Variants in VIPR1 observed in about 807,000 individuals in gnomAD.
VIPR1 encodes vasoactive intestinal polypeptide receptor 1.
Under a neutral mutation model 58.8 loss-of-function variants are expected in VIPR1, and 59 were observed. The ratio of observed to expected loss-of-function variants is 1.00; its 90% CI spans 0.81 to 1.25. The LOEUF is 1.25. Among genes scored for constraint, VIPR1 ranks in the 50% most tolerant of loss-of-function variants. VIPR1 has a pLI of 0.00. For synonymous variants in VIPR1, 251 were observed against 242.1 expected (o/e 1.04, Z -0.34); for missense variants, 626 against 602.7 (o/e 1.04, Z -0.40).
intron 1 of VIPR1, among the ~76,000 whole-genome samples, chr3:42,504,070 C>T (rs1700000119): frequency 6.6e-6 from 1 of 152,172 alleles, no homozygotes; most frequent in South Asian, 2.1e-4. Context: ...ATGAGACCCA[C>T]CTCCTGAGCA....
intron 12 of VIPR1, 73 bp from the exon 13 acceptor site, chr3:42,536,017 A>T (rs1380020218): frequency 6.8e-7 from 1 of 1,464,064 alleles, no homozygotes. Flanking sequence ...TCAGAACCCT[A>T]AGTCCAGGGC....
chr3:42,505,421 C>T (rs1700076406), intron 1 of VIPR1, among the ~76,000 whole-genome samples: 1 of 152,236 alleles, frequency 6.6e-6, no homozygotes, highest in African/African-American at 2.4e-5. Flanking sequence ...GAAGGCCTTG[C>T]CTTGCCACCG....
intron 5 of VIPR1, 47 bp from the exon 6 acceptor site, chr3:42,527,944 G>A: frequency 6.3e-7 from 1 of 1,598,500 alleles, no homozygotes; most frequent in Non-Finnish European, 8.5e-7. Flanking sequence ...GGCTGGGGTG[G>A]GGATCCAAGG....
At chr3:42,495,075 G>C (rs1235633588) in intron 1 of VIPR1, among the ~76,000 whole-genome samples, 1 of 152,100 alleles carries the variant, frequency 6.6e-6, no homozygotes, top group Non-Finnish European at 1.5e-5. Flanking sequence ...CCGTCACCCA[G>C]TTTTATTAGA....
In VIPR1 at chr3:42,502,646, C is replaced by T. The variant is rs950400602; in HGVS notation, c.-90C>T. The stretch of plus-strand genomic sequence containing the variant: ...CTGGGGCCACAGCGCCAGCGCCACT[C>T]TGCCAGGCTCCCGGCCATCGCCCGC... On this transcript the variant is annotated 5_prime_UTR_variant, in exon 1 of 13. Coordinates refer to ENST00000325123, the MANE Select transcript of VIPR1 (RefSeq NM_004624.4). The T allele has an allele frequency of 6.7e-6, 7 of 1,043,736 alleles. No individual in the cohort carries two copies. The highest frequency in any genetic ancestry group is 8.6e-6 in the Non-Finnish European group (7 of 815,418). 64.7% of individuals were successfully genotyped at this position (1,043,736 alleles called of 1,614,324 possible).
chr3:42,523,830 T>C (rs1701088215), intron 3 of VIPR1, among the ~76,000 whole-genome samples: 1 of 152,076 alleles, frequency 6.6e-6, no homozygotes, highest in Non-Finnish European at 1.5e-5. Flanking sequence ...TCTTTTTTTT[T>C]TCCCTGAGTC....
intron 6 of VIPR1, 191 bp downstream of exon 6, chr3:42,528,314 A>G (rs1207728997): frequency 5.6e-5 from 42 of 752,182 alleles, no homozygotes; most frequent in Non-Finnish European, 7.9e-5. Flanking sequence ...CCCTCCGGCA[A>G]CAGGAGATGT....
intron 3 of VIPR1, among the ~76,000 whole-genome samples, chr3:42,523,675 C>T (rs926177706): frequency 6.6e-5 from 10 of 151,862 alleles, no homozygotes; most frequent in African/African-American, 2.4e-4. Context: ...GCCAGAGTCA[C>T]CCAGGTTTGC....
At position 42,536,272 on chromosome 3, in the gene VIPR1, C is replaced by G; in HGVS notation, c.1365C>G (p.Ser455=). The G allele has an allele frequency of 6.4e-7, 1 of 1,560,776 alleles. No individual in the cohort carries two copies. The highest frequency in any genetic ancestry group is 8.6e-7 in the Non-Finnish European group (1 of 1,159,998). The change falls in exon 13 of 13, where the codon TCC becomes TCG. Residue 455 remains serine, a synonymous_variant. Coordinates refer to ENST00000325123, the MANE Select transcript of VIPR1 (RefSeq NM_004624.4). ...CCTCCAGCTTCCAAGCCGAAGTCTC[C>G]CTGGTCTGACCACCAGGATCCCAGG... ...RRSSSFQAEV[S]LV
At chr3:42,530,547 A>G (rs1338912570) in intron 6 of VIPR1, 2 of 515,698 alleles carry the variant, frequency 3.9e-6, no homozygotes, top group Non-Finnish European at 6.9e-6. Flanking sequence ...AGGTGAATAG[A>G]TGAATTGATG....
chr3:42,505,068 G>A (rs76804873), intron 1 of VIPR1, among the ~76,000 whole-genome samples: 1,770 of 152,178 alleles, frequency 0.012, 21 homozygotes, highest in African/African-American at 0.039. Context: ...TGCCCAGTAC[G>A]AGGCTGGGGG....
At chr3:42,527,287 G>A (rs1176552899) in intron 4 of VIPR1, 106 bp from the exon 5 acceptor site, 2 of 1,033,182 alleles carry the variant, frequency 1.9e-6, no homozygotes, top group Admixed American at 2.0e-5. Context: ...ATTTGCTGAG[G>A]CAGGGTTGGG....
At chr3:42,505,381 TC>T (rs1700073923) in intron 1 of VIPR1, among the ~76,000 whole-genome samples, 2 of 152,146 alleles carry the variant, frequency 1.3e-5, no homozygotes, top group Non-Finnish European at 2.9e-5. Flanking sequence ...TCTCCCCAAC[TC>T]TGAGGTTGAT....
rs151081418 is a variant in VIPR1, at chr3:42,530,500, T to A, written c.637-279T>A. The A allele has an allele frequency of 6.4e-3, 2,383 of 372,258 alleles. 112 individuals are homozygous for A. The Admixed American group carries it at 0.086, about 13-fold the overall frequency. 23.1% of individuals were successfully genotyped at this position (372,258 alleles called of 1,614,324 possible). On this transcript the variant is annotated intron_variant, in intron 6 of 12. Coordinates refer to ENST00000325123, the MANE Select transcript of VIPR1 (RefSeq NM_004624.4). ...ATGGATACATGGATAGGTGGGTAGA[T>A]GATTGAATGGGCAGATGGGTAGATA...
At position 42,535,087 on chromosome 3, in the gene VIPR1, G is replaced by C. The variant is rs375826611; in HGVS notation, c.1123G>C (p.Val375Leu). The C allele has an allele frequency of 6.2e-7, 1 of 1,614,214 alleles. No homozygotes were observed. Among genetic ancestry groups the C allele is most frequent in the South Asian group, 1.1e-5 (1 of 91,084 alleles). The change falls in exon 11 of 13, where the codon GTC becomes CTC. Residue 375 changes from valine (V) to leucine (L), a missense_variant. Val to Leu is a conservative substitution (Grantham distance 32). Transcript: ENST00000325123. Reference sequence around the variant, plus strand: ...TGAAGTGAAGATGGTCTTTGAGCTCGTCGTGGGGTCTTTCCAGGTATGGGC... The same window carrying C: ...TGAAGTGAAGATGGTCTTTGAGCTCCTCGTGGGGTCTTTCCAGGTATGGGC... ...KPEVKMVFEL[V>L]VGSFQGFVVA...
At chr3:42,517,459 C>T (rs567646203) in intron 2 of VIPR1, among the ~76,000 whole-genome samples, 7 of 152,302 alleles carry the variant, frequency 4.6e-5, no homozygotes, top group East Asian at 1.9e-4. Flanking sequence ...TAGTCCCTCA[C>T]GGGCATGAAG....
intron 3 of VIPR1, among the ~76,000 whole-genome samples, chr3:42,522,878 C>A (rs1337076175): frequency 6.6e-6 from 1 of 152,192 alleles, no homozygotes; most frequent in Non-Finnish European, 1.5e-5. Flanking sequence ...GGGGCCATGA[C>A]TGCTTTTTGA....
intron 1 of VIPR1, among the ~76,000 whole-genome samples, chr3:42,505,080 G>A (rs1700056470): frequency 6.6e-6 from 1 of 152,058 alleles, no homozygotes; most frequent in African/African-American, 2.4e-5. Context: ...GGCTGGGGGA[G>A]GAGGGTCACA....
chr3:42,523,340 G>A (rs528496194), intron 3 of VIPR1, among the ~76,000 whole-genome samples: 12 of 152,078 alleles, frequency 7.9e-5, no homozygotes, highest in Admixed American at 3.9e-4. Context: ...ATGACCCATT[G>A]TCCCCTCCCC....
Sources: allele counts gnomAD v4.1 joint callset (sites outside exome capture counted in the v4.1 genomes callset), GRCh38; gene constraint gnomAD v4.1.1; transcripts MANE v1.5; gene names NCBI Gene and HGNC (gene_info 2026-07-23, HGNC 2026-07-21).